The following STK3 variants were observed in gnomAD, a reference collection of about 807,000 sequenced individuals.
STK3 encodes serine/threonine-protein kinase 3.
In STK3, 41 loss-of-function variants were observed where a neutral mutation model predicts 58.0. That is an observed-to-expected ratio of 0.71 (90% CI 0.55 to 0.92). STK3 has a LOEUF of 0.92. STK3 is among the 40% of genes least tolerant of loss of function. The pLI is 0.00. For missense variants in STK3, 479 were observed against 602.7 expected (o/e 0.79, Z 2.15); for synonymous variants, 170 against 191.0 (o/e 0.89, Z 0.91).
chr8:98,377,852 GAT>G (rs1251853563), intron 2 of STK3, among the ~76,000 whole-genome samples: 2 of 152,178 alleles, frequency 1.3e-5, no homozygotes, highest in Non-Finnish European at 2.9e-5. Context: ...GCAGAATGTG[GAT>G]ACTGCAGGCC....
rs73699903 is a variant in STK3 at position 98,444,745 on chromosome 8, T to C, written n.186-7537A>G. ...ACGTGTGGGACATTAAAAATGCAGA[T>C]GTGAAGTTTTAAGGAGAAGTTTGGG... On this transcript the variant is annotated intron_variant and non_coding_transcript_variant, in intron 1 of 3. Coordinates refer to the STK3 transcript ENST00000517832. Among the ~76,000 whole-genome samples, 1,142 of 152,286 alleles carry C rather than the reference T, an allele frequency of 7.5e-3. 11 individuals carry two copies. Among genetic ancestry groups the C allele is most frequent in the African/African-American group, 0.026 (1,064 of 41,550 alleles).
At chr8:98,524,493 T>C (rs1407205150) in intron 10 of STK3, among the ~76,000 whole-genome samples, 1 of 152,232 alleles carries the variant, frequency 6.6e-6, no homozygotes, top group Non-Finnish European at 1.5e-5. Context: ...GAATATGTCT[T>C]TTCATGTATT....
At chr8:98,851,691 T>A (rs1449237380) in intron 3 of STK3, among the ~76,000 whole-genome samples, 1 of 152,210 alleles carries the variant, frequency 6.6e-6, no homozygotes, top group Non-Finnish European at 1.5e-5. Context: ...TAGGGCATGG[T>A]GGCTTATGCC....
At chr8:98,630,918 C>A (rs1563826169) in intron 6 of STK3, among the ~76,000 whole-genome samples, 1 of 151,140 alleles carries the variant, frequency 6.6e-6, no homozygotes, top group Non-Finnish European at 1.5e-5. Flanking sequence ...GTAAACATTT[C>A]TTTTTTTTTA....
At chr8:98,622,198 G>A (rs1489663199) in intron 6 of STK3, among the ~76,000 whole-genome samples, 5 of 151,812 alleles carry the variant, frequency 3.3e-5, no homozygotes, top group African/African-American at 9.7e-5. Context: ...GAACCCAGGA[G>A]GCAGATGTTG....
intron 10 of STK3, among the ~76,000 whole-genome samples, chr8:98,494,230 A>T (rs370280410): frequency 6.6e-6 from 1 of 152,272 alleles, no homozygotes; most frequent in East Asian, 1.9e-4. Flanking sequence ...GCAACACTGA[A>T]CATGCTTTCT....
intron 3 of STK3, among the ~76,000 whole-genome samples, chr8:98,404,056 G>A (rs908970152): frequency 6.6e-6 from 1 of 152,244 alleles, no homozygotes; most frequent in East Asian, 1.9e-4. Context: ...GCCCAAGATT[G>A]AGGCAGAGTT....
rs578180225 is a variant in STK3, at chr8:98,512,273, T to C, written c.1317+14469A>G. ...AATCTAGATGTAATTTGTTTTTAACTTTCAGAACAATAAAACAATAAATAG... is the reference window on the plus strand; with the variant it reads ...AATCTAGATGTAATTTGTTTTTAACCTTCAGAACAATAAAACAATAAATAG... On this transcript the variant is annotated intron_variant, in intron 10 of 10. Transcript: ENST00000419617. Among the ~76,000 whole-genome samples the C allele has an allele frequency of 1.4e-4, 22 of 152,290 alleles. No individual in the cohort carries two copies. The East Asian group carries it at 3.9e-3, about 27-fold the overall frequency.
rs1813706961 is a variant in STK3 at position 98,579,728 on chromosome 8, A to G, written c.884T>C (p.Met295Thr). 1.2e-6 allele frequency: 2 copies of G among 1,610,094 alleles called. No individual in the cohort carries two copies. Among genetic ancestry groups the G allele is most frequent in the South Asian group, 1.1e-5 (1 of 90,050 alleles). The stretch of plus-strand genomic sequence containing the variant: ...CTCATGTCTTTTAGCTTTGATCTCC[A>G]TAGCTTCTGTGATCAGGTCTCTTAA... ...SILRDLITEA[M>T]EIKAKRHEEQ... The change falls in exon 8 of 11, where the codon ATG (methionine) becomes ACG (threonine). Residue 295 changes from methionine (M) to threonine (T), a missense_variant. Physicochemically the swap from Met to Thr is moderately conservative, Grantham distance 81. This residue lies in a region of STK3 where 309 missense variants were observed against 355.7 expected (regional missense o/e 0.87). Transcript: ENST00000419617.
intron 6 of STK3, among the ~76,000 whole-genome samples, chr8:98,614,595 G>A (rs1214687583): frequency 6.7e-6 from 1 of 149,628 alleles, no homozygotes; most frequent in Non-Finnish European, 1.5e-5. Flanking sequence ...CAGGCCAGTG[G>A]GTGTGCGCAC....
chr8:98,421,974 G>C (rs2131056532), intron 3 of STK3, among the ~76,000 whole-genome samples: 1 of 152,152 alleles, frequency 6.6e-6, no homozygotes, highest in African/African-American at 2.4e-5. Context: ...CCCTGTGCAG[G>C]CCAGACTGGA....
chr8:98,381,238 T>A (rs1817728796), intron 1 of STK3, among the ~76,000 whole-genome samples: 1 of 152,178 alleles, frequency 6.6e-6, no homozygotes, highest in Non-Finnish European at 1.5e-5. Context: ...CCCAAAGTGC[T>A]GGGATTACAG....
At chr8:98,584,190 T>G (rs539071866) in intron 7 of STK3, among the ~76,000 whole-genome samples, 246 of 152,216 alleles carry the variant, frequency 1.6e-3, no homozygotes, top group African/African-American at 5.6e-3. Context: ...GCTGGTGCGC[T>G]GCACCCACTA....
chr8:98,568,074 TAG>T (rs1586882981), intron 8 of STK3, among the ~76,000 whole-genome samples: 1 of 150,368 alleles, frequency 6.7e-6, no homozygotes, highest in East Asian at 2.1e-4. Flanking sequence ...GATAGATAGA[TAG>T]ATAGATAGAT....
In STK3 at chr8:98,597,877, T is replaced by C. The variant is rs546328187; in HGVS notation, c.685-1708A>G. ...TAGCAAACAACTGAGTGCCAGACAA[T>C]GAAATTCTGCCTGCAAATAACCTAA... On this transcript the variant is annotated intron_variant, in intron 6 of 10. Transcript: ENST00000419617. 8.2e-6 allele frequency: 8 copies of C among 980,902 alleles called. No homozygotes were observed. The East Asian group carries it at 9.2e-4, about 113-fold the overall frequency. The allele number at this position is 980,902 out of a possible 1,614,324, so 60.8% of individuals were successfully genotyped here.
intron 3 of STK3, among the ~76,000 whole-genome samples, chr8:98,855,878 C>T (rs918498457): frequency 1.3e-5 from 2 of 151,798 alleles, no homozygotes; most frequent in Admixed American, 6.6e-5. Flanking sequence ...AAAATTAGGC[C>T]GGGCATGGTG....
At chr8:98,897,321 G>A (rs1309247145) in intron 1 of STK3, among the ~76,000 whole-genome samples, 3 of 152,178 alleles carry the variant, frequency 2.0e-5, no homozygotes, top group Admixed American at 2.0e-4. Context: ...ACTTTGGGAG[G>A]TGGAGGCGGG....
chr8:98,467,453 C>G (rs1223533783), intron 10 of STK3, among the ~76,000 whole-genome samples: 2 of 152,020 alleles, frequency 1.3e-5, no homozygotes, highest in African/African-American at 4.8e-5. Context: ...TACTTAACAC[C>G]TGCTGTTTTC....
chr8:98,635,777 T>C (rs1819572128), intron 6 of STK3, among the ~76,000 whole-genome samples: 1 of 152,182 alleles, frequency 6.6e-6, no homozygotes, highest in Admixed American at 6.5e-5. Context: ...TTCTCATCTA[T>C]ATAAATATGT....
Sources: gnomAD v4.1 joint callset for allele counts (sites outside exome capture counted in the v4.1 genomes callset) on GRCh38, gnomAD v4.1.1 for gene constraint, gnomAD v4.1.1 regional missense constraint, MANE v1.5 for transcripts, NCBI Gene and HGNC (gene_info 2026-07-23, HGNC 2026-07-21) for gene names.